NSMCE2: variants seen among roughly 807,000 people sequenced by gnomAD.
NSMCE2 encodes E3 SUMO-protein ligase NSE2.
NSMCE2 carries 24 observed loss-of-function variants against 23.8 expected under a neutral mutation model. The observed-to-expected ratio is 1.01, with a 90% CI of 0.73 to 1.42. NSMCE2 has a LOEUF of 1.42. Among genes scored for constraint, NSMCE2 ranks in the 40% most tolerant of loss-of-function variants. The probability of loss-of-function intolerance (pLI) is 0.00; values close to 1 mark genes in which losing one functional copy is unlikely to be tolerated. For synonymous variants in NSMCE2, 92 were observed against 94.1 expected (o/e 0.98, Z 0.13); for missense variants, 284 against 296.5 (o/e 0.96, Z 0.31).
At chr8:125,118,300 C>T (rs967891597) in intron 3 of NSMCE2, among the ~76,000 whole-genome samples, 1 of 152,136 alleles carries the variant, frequency 6.6e-6, no homozygotes, top group Non-Finnish European at 1.5e-5. Flanking sequence ...ATCACTTGAA[C>T]CTGCCAGGAG....
chr8:125,253,199 C>T (rs558647551), intron 5 of NSMCE2, among the ~76,000 whole-genome samples: 20 of 152,312 alleles, frequency 1.3e-4, no homozygotes, highest in South Asian at 1.0e-3. Flanking sequence ...TTTATATACA[C>T]TTAAGGGAGC....
chr8:125,283,910 T>C (rs1242429516), intron 5 of NSMCE2, among the ~76,000 whole-genome samples: 2 of 152,120 alleles, frequency 1.3e-5, no homozygotes, highest in Admixed American at 6.5e-5. Flanking sequence ...TCCCAGCATT[T>C]TGGGAGGCCA....
chr8:125,229,428 C>T (rs893383345), intron 5 of NSMCE2, among the ~76,000 whole-genome samples: 38 of 152,012 alleles, frequency 2.5e-4, no homozygotes, highest in African/African-American at 8.7e-4. Context: ...AGTGGATTTT[C>T]TTGTGACCCA....
chr8:125,198,548 G>A lies in NSMCE2; in HGVS notation c.418+16292G>A, dbSNP rs556717149. ...TCCCAGGGATGAAGCCTACTTGATC[G>A]TGGTGGATAAGTTTTTTGATGTGCT... On this transcript the variant is annotated intron_variant, in intron 5 of 7. Transcript: ENST00000287437. Among the ~76,000 whole-genome samples, 6 of 152,266 alleles carry A rather than the reference G, an allele frequency of 3.9e-5. No individual in the cohort carries two copies. In the South Asian group the frequency reaches 8.3e-4, roughly 21 times the overall value.
chr8:125,213,386 A>G (rs768851809), intron 5 of NSMCE2, among the ~76,000 whole-genome samples: 3 of 152,126 alleles, frequency 2.0e-5, no homozygotes, highest in Non-Finnish European at 4.4e-5. Context: ...TATTGCTCAT[A>G]TGCCTAAGCT....
intron 5 of NSMCE2, among the ~76,000 whole-genome samples, chr8:125,227,778 C>T (rs1035730835): frequency 3.3e-5 from 5 of 152,050 alleles, no homozygotes; most frequent in Non-Finnish European, 7.4e-5. Flanking sequence ...ATCCCGTTAC[C>T]CAGAGATAAC....
chr8:125,175,835 TA>T (rs1212811158), intron 4 of NSMCE2, among the ~76,000 whole-genome samples: 1 of 152,260 alleles, frequency 6.6e-6, no homozygotes, highest in Non-Finnish European at 1.5e-5. Context: ...TATCATCATA[TA>T]AATACATTTA....
intron 5 of NSMCE2, among the ~76,000 whole-genome samples, chr8:125,222,470 C>T (rs1415146039): frequency 6.6e-6 from 1 of 152,092 alleles, no homozygotes; most frequent in East Asian, 1.9e-4. Context: ...TTACTCCTCC[C>T]GTCTAACTGA....
chr8:125,171,215 T>TA (rs1054121365), intron 4 of NSMCE2, among the ~76,000 whole-genome samples: 3 of 152,222 alleles, frequency 2.0e-5, no homozygotes, highest in Non-Finnish European at 4.4e-5. Flanking sequence ...TTTAGCTAGT[T>TA]ACGTATTTTC....
rs576266328 is a variant in NSMCE2 at position 125,280,464 on chromosome 8, C to G, written c.419-76755C>G. On this transcript the variant is annotated intron_variant, in intron 5 of 7. Transcript: ENST00000287437. ...TTTTATTAAACAGTTTTACTGTCCT[C>G]TGTGCAAACTGCTTATTTGAAGCAA... Among the ~76,000 whole-genome samples, 33 of 152,350 alleles carry G rather than the reference C, an allele frequency of 2.2e-4. 1 individual carries two copies. In the East Asian group the frequency reaches 6.0e-3, roughly 28 times the overall value.
At chr8:125,327,882 G>A (rs993616224) in intron 5 of NSMCE2, among the ~76,000 whole-genome samples, 1 of 152,072 alleles carries the variant, frequency 6.6e-6, no homozygotes, top group Non-Finnish European at 1.5e-5. Flanking sequence ...ATCTCTAAAT[G>A]GGTCTGAATA....
intron 5 of NSMCE2, among the ~76,000 whole-genome samples, chr8:125,337,418 C>G (rs1830093074): frequency 6.6e-6 from 1 of 152,204 alleles, no homozygotes; most frequent in African/African-American, 2.4e-5. Context: ...TTGCACCTAC[C>G]TGCCATACTT....
chr8:125,319,197 A>G (rs1486072097), intron 5 of NSMCE2, among the ~76,000 whole-genome samples: 1 of 152,210 alleles, frequency 6.6e-6, no homozygotes, highest in East Asian at 1.9e-4. Flanking sequence ...CCTGAGCACA[A>G]CTTTAAAATA....
intron 5 of NSMCE2, among the ~76,000 whole-genome samples, chr8:125,337,884 C>CAAAAAAAAAA (rs35658538): frequency 4.1e-5 from 4 of 97,378 alleles, no homozygotes; most frequent in Non-Finnish European, 6.0e-5. Context: ...AACTCTATCT[C>CAAAAAAAAAA]AAAAAAAAAA....
At chr8:125,165,152 C>T (rs1821811586) in intron 4 of NSMCE2, among the ~76,000 whole-genome samples, 1 of 152,154 alleles carries the variant, frequency 6.6e-6, no homozygotes, top group African/African-American at 2.4e-5. Context: ...CATAAACCTT[C>T]GATTTCCTTA....
intron 7 of NSMCE2, among the ~76,000 whole-genome samples, chr8:125,366,292 G>A (rs1174141805): frequency 6.6e-6 from 1 of 152,212 alleles, no homozygotes; most frequent in African/African-American, 2.4e-5. Flanking sequence ...GGTAATCCCA[G>A]CACTTTGGGA....
intron 5 of NSMCE2, among the ~76,000 whole-genome samples, chr8:125,281,737 G>A (rs1014057400): frequency 1.3e-5 from 2 of 150,850 alleles, no homozygotes; most frequent in Non-Finnish European, 2.9e-5. Flanking sequence ...CACCGTGCAC[G>A]GCCGTAACTT....
intron 3 of NSMCE2, among the ~76,000 whole-genome samples, chr8:125,142,115 T>TA (rs1220079550): frequency 6.6e-6 from 1 of 152,162 alleles, no homozygotes; most frequent in African/African-American, 2.4e-5. Context: ...TTAGACTAAT[T>TA]ACACTTGCAG....
At chr8:125,260,026 G>C (rs1826620526) in intron 5 of NSMCE2, among the ~76,000 whole-genome samples, 1 of 152,176 alleles carries the variant, frequency 6.6e-6, no homozygotes. Flanking sequence ...GATATTGCAG[G>C]CTGGATATTC....
Sources: gnomAD v4.1 joint callset for allele counts (sites outside exome capture counted in the v4.1 genomes callset) on GRCh38, gnomAD v4.1.1 for gene constraint, MANE v1.5 for transcripts, NCBI Gene and HGNC (gene_info 2026-07-23, HGNC 2026-07-21) for gene names.